ROBO1: variants seen among roughly 807,000 people sequenced by gnomAD.
ROBO1 encodes roundabout guidance receptor 1.
In ROBO1, 149 loss-of-function variants were observed where a neutral mutation model predicts 195.9. The observed-to-expected ratio is 0.76, with a 90% CI of 0.67 to 0.87. The LOEUF (loss-of-function observed/expected upper bound fraction) is 0.87. ROBO1 is among the 40% of genes least tolerant of loss of function. The probability of loss-of-function intolerance (pLI) is 0.00; values close to 1 mark genes in which losing one functional copy is unlikely to be tolerated. For missense variants in ROBO1, 1,933 were observed against 2,068.3 expected (o/e 0.93, Z 1.27); for synonymous variants, 816 against 733.2 (o/e 1.11, Z -1.82).
chr3:79,120,568 A>G (rs1272955346), intron 3 of ROBO1, among the ~76,000 whole-genome samples: 1 of 152,142 alleles, frequency 6.6e-6, no homozygotes, highest in East Asian at 1.9e-4. Context: ...AGATCTAAGA[A>G]ACAGGAGATC....
chr3:79,737,576 T>C (rs955669664), intron 1 of ROBO1, among the ~76,000 whole-genome samples: 2 of 152,038 alleles, frequency 1.3e-5, no homozygotes, highest in African/African-American at 4.8e-5. Flanking sequence ...AGGCAAACAA[T>C]GGACAAACAA....
chr3:78,860,326 A>ATATTTTTTT (rs376853384), intron 4 of ROBO1, among the ~76,000 whole-genome samples: 9 of 93,506 alleles, frequency 9.6e-5, no homozygotes, highest in East Asian at 3.0e-4. Flanking sequence ...ATATATATAT[A>ATATTTTTTT]TTTTTTTTTT....
At chr3:79,315,662 C>T (rs577744646) in intron 2 of ROBO1, among the ~76,000 whole-genome samples, 9 of 152,204 alleles carry the variant, frequency 5.9e-5, no homozygotes, top group Admixed American at 2.0e-4. Flanking sequence ...GAGCAGTTAA[C>T]GGAAACATTT....
At chr3:78,747,949 C>G (rs2082696897) in intron 4 of ROBO1, among the ~76,000 whole-genome samples, 2 of 152,094 alleles carry the variant, frequency 1.3e-5, no homozygotes, top group Admixed American at 1.3e-4. Flanking sequence ...ACTTTTGCTT[C>G]CCTTTTCACA....
chr3:79,463,654 TCAAA>T (rs1411202185), intron 2 of ROBO1, among the ~76,000 whole-genome samples: 3 of 151,946 alleles, frequency 2.0e-5, no homozygotes, highest in African/African-American at 7.3e-5. Flanking sequence ...ATGGTACAAA[TCAAA>T]CAGTGAATAA....
intron 2 of ROBO1, among the ~76,000 whole-genome samples, chr3:79,313,186 C>CAA (rs61113124): frequency 6.1e-4 from 55 of 90,042 alleles, no homozygotes; most frequent in Middle Eastern, 5.6e-3. Context: ...GACTCCATCT[C>CAA]AAAAAAAAAA....
intron 3 of ROBO1, among the ~76,000 whole-genome samples, chr3:79,068,356 C>T (rs2079035685): frequency 6.6e-6 from 1 of 151,844 alleles, no homozygotes; most frequent in Admixed American, 6.6e-5. Context: ...ACCCGTGTTC[C>T]TCCTAACCAT....
intron 3 of ROBO1, among the ~76,000 whole-genome samples, chr3:78,948,503 T>C (rs2040584433): frequency 6.6e-6 from 1 of 152,156 alleles, no homozygotes; most frequent in East Asian, 1.9e-4. Flanking sequence ...TAGGTATTGA[T>C]GGGACAAATC....
chr3:79,482,985 C>A (rs1938948852), intron 2 of ROBO1, among the ~76,000 whole-genome samples: 1 of 152,168 alleles, frequency 6.6e-6, no homozygotes, highest in African/African-American at 2.4e-5. Flanking sequence ...TCCTCAACAA[C>A]AACAGGGTGT....
rs558184807 is a variant in ROBO1, at chr3:79,125,383, A to G, written c.172+73T>C. ...GCAGGGATGATTCGATTAATTTTAT[A>G]CAGGTGGTTGATGGTTGATGGAGGT... On this transcript the variant is annotated intron_variant, in intron 3 of 30. Coordinates refer to ENST00000464233, the MANE Select transcript of ROBO1 (RefSeq NM_002941.4). The G allele has an allele frequency of 8.4e-6, 10 of 1,192,008 alleles. No individual in the cohort carries two copies. The East Asian group carries it at 1.7e-4, about 20-fold the overall frequency. 73.8% of individuals were successfully genotyped at this position (1,192,008 alleles called of 1,614,324 possible). A position where few individuals can be genotyped will look rare whatever the true frequency, so the allele number is the denominator to read the frequency against.
chr3:78,860,321 TA>T lies in ROBO1; in HGVS notation c.499+78279del, dbSNP rs1444501362. Among the ~76,000 whole-genome samples, 35 of 72,272 alleles carry T rather than the reference TA, an allele frequency of 4.8e-4. 1 individual carries two copies. The highest frequency in any genetic ancestry group is 1.7e-3 in the African/African-American group (29 of 16,820). The allele number at this position is 72,272 out of a possible 152,430, so 47.4% of individuals were successfully genotyped here. The stretch of plus-strand genomic sequence containing the variant: ...AATATACTATATATATATATATATA[TA>T]TATATTTTTTTTTTTTTACTCATAA... On this transcript the variant is annotated intron_variant, in intron 4 of 30. Transcript: ENST00000464233.
At chr3:79,498,657 C>T (rs981867290) in intron 2 of ROBO1, among the ~76,000 whole-genome samples, 6 of 151,976 alleles carry the variant, frequency 3.9e-5, no homozygotes, top group Admixed American at 6.6e-5. Context: ...AGTTCAAGAC[C>T]AGCCTGCTCA....
At chr3:78,931,430 G>A (rs996252255) in intron 4 of ROBO1, among the ~76,000 whole-genome samples, 1 of 151,454 alleles carries the variant, frequency 6.6e-6, no homozygotes, top group African/African-American at 2.4e-5. Flanking sequence ...ATTTTCAGTG[G>A]AGACGGAGTT....
chr3:79,713,075 C>A (rs994767049), intron 1 of ROBO1, among the ~76,000 whole-genome samples: 1 of 151,704 alleles, frequency 6.6e-6, no homozygotes, highest in Non-Finnish European at 1.5e-5. Context: ...ATCCCTCCCC[C>A]ACCCCCCACT....
intron 2 of ROBO1, among the ~76,000 whole-genome samples, chr3:79,388,550 A>C (rs1008874462): frequency 1.3e-5 from 2 of 152,074 alleles, no homozygotes; most frequent in Admixed American, 6.6e-5. Flanking sequence ...CGAATGAACT[A>C]GCATTGCAGA....
intron 4 of ROBO1, among the ~76,000 whole-genome samples, chr3:78,851,117 A>C (rs151115942): frequency 0.016 from 2,378 of 151,878 alleles, 25 homozygotes; most frequent in Non-Finnish European, 0.025. Flanking sequence ...CACACCTATC[A>C]TTTTCTTTGT....
intron 2 of ROBO1, among the ~76,000 whole-genome samples, chr3:79,569,141 C>T (rs1943189989): frequency 6.6e-6 from 1 of 152,296 alleles, no homozygotes; most frequent in Non-Finnish European, 1.5e-5. Flanking sequence ...CACACACACA[C>T]ACACACGCAC....
chr3:78,735,294 G>GTGGTT (rs2082369495), intron 5 of ROBO1, among the ~76,000 whole-genome samples: 1 of 152,104 alleles, frequency 6.6e-6, no homozygotes, highest in East Asian at 1.9e-4. Flanking sequence ...TTTGACTACT[G>GTGGTT]TGGTTTGATT....
intron 1 of ROBO1, among the ~76,000 whole-genome samples, chr3:79,713,290 G>A (rs1258249911): frequency 6.6e-6 from 1 of 152,052 alleles, no homozygotes; most frequent in Admixed American, 6.6e-5. Context: ...TATTATTTGA[G>A]AGATACACTT....
Sources: allele counts gnomAD v4.1 joint callset (sites outside exome capture counted in the v4.1 genomes callset), GRCh38; gene constraint gnomAD v4.1.1; transcripts MANE v1.5; gene names NCBI Gene and HGNC (gene_info 2026-07-23, HGNC 2026-07-21).